The following PDZRN4 variants were observed in gnomAD, a reference collection of about 807,000 sequenced individuals.
PDZRN4 encodes PDZ domain containing ring finger 4, also known as PDZ domain-containing RING finger protein 4.
PDZRN4 carries 70 observed loss-of-function variants against 99.0 expected under a neutral mutation model. The ratio of observed to expected loss-of-function variants is 0.71; its 90% CI spans 0.58 to 0.86. PDZRN4 has a LOEUF of 0.86. Ranked by LOEUF, PDZRN4 falls within the 40% of genes least tolerant of loss-of-function variation. The pLI, the probability that PDZRN4 is intolerant of heterozygous loss-of-function variation, is 0.00. For synonymous variants in PDZRN4, 551 were observed against 501.6 expected, an observed-to-expected ratio of 1.10 and a Z score of -1.32; for missense variants, 1,474 against 1,331.2, an observed-to-expected ratio of 1.11 and a Z score of -1.67.
At chr12:41,410,355 G>A (rs530556429) in intron 3 of PDZRN4, among the ~76,000 whole-genome samples, 4 of 152,106 alleles carry the variant, frequency 2.6e-5, no homozygotes, top group African/African-American at 9.6e-5. Flanking sequence ...ACATACATAC[G>A]TACACGTAAA....
At chr12:41,356,434 T>C (rs1034966967) in intron 3 of PDZRN4, among the ~76,000 whole-genome samples, 2 of 151,924 alleles carry the variant, frequency 1.3e-5, no homozygotes, top group Non-Finnish European at 2.9e-5. Context: ...TTTTAGAATC[T>C]ATACTGAAGG....
chr12:41,461,372 C>T (rs1952872419), intron 3 of PDZRN4, among the ~76,000 whole-genome samples: 2 of 152,172 alleles, frequency 1.3e-5, no homozygotes, highest in Admixed American at 1.3e-4. Context: ...CTCAAATTCT[C>T]CACTCTGGGA....
At chr12:41,500,949 C>A (rs777443914) in intron 3 of PDZRN4, among the ~76,000 whole-genome samples, 3 of 152,122 alleles carry the variant, frequency 2.0e-5, no homozygotes, top group Non-Finnish European at 2.9e-5. Flanking sequence ...AGAGAATTGA[C>A]TCTGCGTCAC....
chr12:41,437,455 A>T lies in PDZRN4; in HGVS notation c.844-69001A>T, dbSNP rs561262092. ...AGAAATTAAGTGTATGTTTTTTTTC[A>T]AATGCCCTATATGCAACCCCTCTAT... is the stretch of plus-strand genomic sequence containing the variant. On this transcript the variant is annotated intron_variant, in intron 3 of 9. Transcript: ENST00000402685. Among the ~76,000 whole-genome samples the T allele has an allele frequency of 3.9e-5, 6 of 152,152 alleles. No individual in the cohort carries two copies. The South Asian group carries it at 8.3e-4, about 21-fold the overall frequency.
rs1332587604 is a variant in PDZRN4, at chr12:41,296,106, A to C, written c.843+101918A>C. Among the ~76,000 whole-genome samples the C allele has an allele frequency of 2.6e-5, 4 of 152,196 alleles. No individual in the cohort carries two copies. In the South Asian group the frequency reaches 8.3e-4, roughly 31 times the overall value. Reference sequence around the variant, plus strand: ...TCAGCTTATGCAACTCTGGCTAAAAAAAGTTGAGCAAATTTTCCACCTGAT... The same window carrying C: ...TCAGCTTATGCAACTCTGGCTAAAACAAGTTGAGCAAATTTTCCACCTGAT... On this transcript the variant is annotated intron_variant, in intron 3 of 9. Transcript: ENST00000402685.
At chr12:41,349,817 A>T (rs1042584289) in intron 3 of PDZRN4, among the ~76,000 whole-genome samples, 1 of 151,976 alleles carries the variant, frequency 6.6e-6, no homozygotes, top group East Asian at 1.9e-4. Context: ...GGGAAGCAAT[A>T]ACAAAAATGC....
chr12:41,263,879 C>T (rs935461786), intron 3 of PDZRN4, among the ~76,000 whole-genome samples: 21 of 152,142 alleles, frequency 1.4e-4, no homozygotes, highest in Admixed American at 1.0e-3. Context: ...CCTCCTTTCC[C>T]CTTGTATTGA....
At chr12:41,548,988 T>A (rs1939008355) in intron 5 of PDZRN4, among the ~76,000 whole-genome samples, 1 of 152,110 alleles carries the variant, frequency 6.6e-6, no homozygotes, top group South Asian at 2.1e-4. Context: ...TAAAGAGACT[T>A]TAGACGCGTC....
intron 3 of PDZRN4, among the ~76,000 whole-genome samples, chr12:41,490,457 G>T (rs1937862889): frequency 6.6e-6 from 1 of 152,036 alleles, no homozygotes; most frequent in African/African-American, 2.4e-5. Context: ...GACAAACATT[G>T]AAAGAAAATT....
chr12:41,336,811 G>A (rs1031278788), intron 3 of PDZRN4, among the ~76,000 whole-genome samples: 2 of 151,804 alleles, frequency 1.3e-5, no homozygotes, highest in African/African-American at 4.9e-5. Context: ...GCTGTCTTCT[G>A]TTCCTAGGTG....
chr12:41,328,124 A>G (rs983047403), intron 3 of PDZRN4, among the ~76,000 whole-genome samples: 1 of 152,176 alleles, frequency 6.6e-6, no homozygotes, highest in Non-Finnish European at 1.5e-5. Flanking sequence ...ATAAAAGAAC[A>G]GTGAAAGATA....
chr12:41,429,641 C>G (rs1952568820), intron 3 of PDZRN4, among the ~76,000 whole-genome samples: 1 of 151,930 alleles, frequency 6.6e-6, no homozygotes, highest in Admixed American at 6.6e-5. Flanking sequence ...TCCTGGCTCC[C>G]TCATTTACTA....
chr12:41,218,754 C>G (rs1006472612), intron 3 of PDZRN4, among the ~76,000 whole-genome samples: 1 of 152,092 alleles, frequency 6.6e-6, no homozygotes, highest in East Asian at 1.9e-4. Flanking sequence ...TATTTCCTAT[C>G]CATTGCTCCT....
intron 3 of PDZRN4, among the ~76,000 whole-genome samples, chr12:41,340,417 T>G (rs1476779669): frequency 6.6e-6 from 1 of 151,886 alleles, no homozygotes; most frequent in Admixed American, 6.6e-5. Flanking sequence ...GAATAATGGT[T>G]ACCAGAGGCT....
At chr12:41,517,895 G>A (rs868331315) in intron 5 of PDZRN4, among the ~76,000 whole-genome samples, 3 of 151,904 alleles carry the variant, frequency 2.0e-5, no homozygotes, top group Non-Finnish European at 2.9e-5. Context: ...ACACCTCTCC[G>A]TATTATCTCT....
intron 3 of PDZRN4, among the ~76,000 whole-genome samples, chr12:41,496,427 A>C (rs1938005322): frequency 6.6e-6 from 1 of 152,008 alleles, no homozygotes; most frequent in Admixed American, 6.6e-5. Context: ...CCCCTTTTCC[A>C]CATGAAGAAG....
At chr12:41,192,079 C>A (rs1271524405) in intron 2 of PDZRN4, among the ~76,000 whole-genome samples, 1 of 151,916 alleles carries the variant, frequency 6.6e-6, no homozygotes, top group Non-Finnish European at 1.5e-5. Flanking sequence ...CCATGCCTGG[C>A]TCTGATTTTA....
intron 3 of PDZRN4, among the ~76,000 whole-genome samples, chr12:41,396,646 A>G (rs1445374806): frequency 2.0e-5 from 3 of 152,160 alleles, no homozygotes; most frequent in Non-Finnish European, 4.4e-5. Context: ...GTCATCAGAA[A>G]GCTGAACTGA....
At chr12:41,325,613 G>A (rs79426414) in intron 3 of PDZRN4, among the ~76,000 whole-genome samples, 5,641 of 152,170 alleles carry the variant, frequency 0.037, 163 homozygotes, top group African/African-American at 0.08. Context: ...GTCAGCTACG[G>A]GTTAGTTAAG....
Sources: allele counts gnomAD v4.1 joint callset (sites outside exome capture counted in the v4.1 genomes callset), GRCh38; gene constraint gnomAD v4.1.1; transcripts MANE v1.5; gene names NCBI Gene and HGNC (gene_info 2026-07-23, HGNC 2026-07-21).